The following COL18A1 variants were observed in gnomAD, a reference collection of about 807,000 sequenced individuals.
COL18A1 encodes collagen alpha-1(XVIII) chain.
COL18A1 carries 133 observed loss-of-function variants against 168.0 expected under a neutral mutation model. The ratio of observed to expected loss-of-function variants is 0.79; its 90% CI spans 0.69 to 0.91. COL18A1 has a LOEUF of 0.91. Ranked by LOEUF, COL18A1 falls within the 40% of genes least tolerant of loss-of-function variation. The pLI, the probability that COL18A1 is intolerant of heterozygous loss-of-function variation, is 0.00. For missense variants in COL18A1, 2,126 were observed against 1,925.4 expected, an observed-to-expected ratio of 1.10 and a Z score of -1.95; for synonymous variants, 949 against 809.0, an observed-to-expected ratio of 1.17 and a Z score of -2.94.
rs2145907309 is a variant in COL18A1, at chr21:45,473,482, G to A, written c.652-413G>A. 6.6e-6 allele frequency among the ~76,000 whole-genome samples: 1 copy of A among 152,320 alleles called. No individual in the cohort carries two copies. Among genetic ancestry groups the A allele is most frequent in the Middle Eastern group, 3.4e-3 (1 of 294 alleles). ...CCTCGGTTGGTCCGAGTCGGGAGAT[G>A]AGGCCGCCTGGTGCTTGCGTAAAGC... On this transcript the variant is annotated intron_variant, in intron 3 of 41. Coordinates refer to ENST00000651438, the MANE Select transcript of COL18A1 (RefSeq NM_001379500.1). This position sits in a 1 kb window ranked among gnomAD's most constrained non-coding sequence, Gnocchi z 4.0.
intron 2 of COL18A1, among the ~76,000 whole-genome samples, chr21:45,414,101 G>C (rs900582107): frequency 2.0e-5 from 3 of 152,224 alleles, no homozygotes; most frequent in African/African-American, 7.2e-5. Flanking sequence ...TTTCTGTATT[G>C]GATGCACCGC....
chr21:45,405,401 C>A lies in COL18A1; in HGVS notation c.34C>A (p.Arg12=). The A allele has an allele frequency of 7.6e-7, 1 of 1,310,572 alleles. No individual in the cohort carries two copies. The highest frequency in any genetic ancestry group is 1.9e-5 in the South Asian group (1 of 52,314). 81.2% of individuals were successfully genotyped at this position (1,310,572 alleles called of 1,614,324 possible). ...APRCPWPWPR[R]RRLLDVLAPL... is the part of the protein sequence containing the mutation. ...CAGGTGCCCCTGGCCATGGCCGCGG[C>A]GGCGGCGCCTCCTGGACGTGCTCGC... is the stretch of plus-strand genomic sequence containing the variant. Residue 12 remains arginine (R), a synonymous_variant, in exon 2 of 42, where the codon CGG becomes AGG. Transcript: ENST00000651438.
chr21:45,478,969 CGCCTGGCACCCCACA>C (rs1234860848), intron 9 of COL18A1, among the ~76,000 whole-genome samples: 1 of 152,190 alleles, frequency 6.6e-6, no homozygotes, highest in Non-Finnish European at 1.5e-5. Flanking sequence ...CATTACCGAC[CGCCTGGCACCCCACA>C]GCCAAGCTGC....
chr21:45,475,369 G>A, intron 4 of COL18A1, 107 bp from the exon 5 acceptor site: 2 of 1,019,082 alleles, frequency 2.0e-6, no homozygotes, highest in South Asian at 1.4e-5. Flanking sequence ...GAGGCGAGAG[G>A]GGGCCTGGAG....
chr21:45,460,908 T>A (rs1180257494), intron 2 of COL18A1, among the ~76,000 whole-genome samples: 2 of 152,194 alleles, frequency 1.3e-5, no homozygotes, highest in Non-Finnish European at 2.9e-5. Flanking sequence ...GTACAAGATC[T>A]TGTGTGATTC....
Position 45,455,928 on chromosome 21 carries a change from C to T in COL18A1, c.107-12314C>T, listed in dbSNP as rs368269918. The T allele has an allele frequency of 4.3e-5, 69 of 1,613,098 alleles. No homozygotes were observed. The highest frequency in any genetic ancestry group is 5.8e-5 in the Non-Finnish European group (69 of 1,180,014). On this transcript the variant is annotated intron_variant, in intron 2 of 41. Coordinates refer to ENST00000651438, the MANE Select transcript of COL18A1 (RefSeq NM_001379500.1). Reference sequence around the variant, plus strand: ...GTCCAGCTGTGGAATGACACTGTCCCCACTGAGAGCTTGGCCAGGGCGGAA... The same window carrying T: ...GTCCAGCTGTGGAATGACACTGTCCTCACTGAGAGCTTGGCCAGGGCGGAA...
intron 32 of COL18A1, among the ~76,000 whole-genome samples, chr21:45,500,351 G>A (rs1315699422): frequency 3.0e-5 from 4 of 135,592 alleles, no homozygotes; most frequent in Non-Finnish European, 6.4e-5. Flanking sequence ...ATATGTGGGT[G>A]TTGGGTGTGT....
At chr21:45,415,445 CA>C (rs2033413234) in intron 2 of COL18A1, among the ~76,000 whole-genome samples, 1 of 152,116 alleles carries the variant, frequency 6.6e-6, no homozygotes, top group Admixed American at 6.5e-5. Context: ...GCTGGACACC[CA>C]GGGCTCAGAG....
Position 45,507,575 on chromosome 21 carries a change from A to G in COL18A1, c.3231A>G (p.Thr1077=), listed in dbSNP as rs12483761. The change falls in exon 38 of 42, where the codon ACA becomes ACG. Residue 1077 remains threonine, a synonymous_variant. Coordinates refer to ENST00000651438, the MANE Select transcript of COL18A1 (RefSeq NM_001379500.1). ...GFRKVQLEAR[T]PLPRGTDNEV... is the part of the protein sequence containing the mutation. ...CTTTCTTCCAGCTGGAGGCCCGGAC[A>G]CCACTCCCACGAGGGACGGTAAGGA... The G allele has an allele frequency of 0.13, 204,823 of 1,611,882 alleles. 13,605 individuals carry two copies. Among genetic ancestry groups the G allele is most frequent in the Admixed American group, 0.18 (10,917 of 59,824 alleles).
rs1057507607 is a variant in COL18A1 at position 45,425,367 on chromosome 21, G to T, written c.106+19894G>T. Among the ~76,000 whole-genome samples, 1 of 152,180 alleles carries T rather than the reference G, an allele frequency of 6.6e-6. No individual in the cohort carries two copies. Among genetic ancestry groups the T allele is most frequent in the Non-Finnish European group, 1.5e-5 (1 of 68,014 alleles). On this transcript the variant is annotated intron_variant, in intron 2 of 41. Transcript: ENST00000651438. This position sits in a 1 kb window ranked among gnomAD's most constrained non-coding sequence, Gnocchi z 4.1. Reference sequence around the variant, plus strand: ...TCAGAGCCCCAGACTGGGCTCCCCTGGAGGACCCTGGTGCTGACACAGAGT... The same window carrying T: ...TCAGAGCCCCAGACTGGGCTCCCCTTGAGGACCCTGGTGCTGACACAGAGT...
At position 45,477,956 on chromosome 21, in the gene COL18A1, C is replaced by T. The variant is rs367951949; in HGVS notation, c.1212C>T (p.Asp404=). The T allele has an allele frequency of 6.2e-5, 94 of 1,516,732 alleles. 2 individuals carry two copies. The Admixed American group carries it at 8.6e-4, about 14-fold the overall frequency. The allele number at this position is 1,516,732 out of a possible 1,614,324, so 94.0% of individuals were successfully genotyped here. Reference sequence around the variant, plus strand: ...GGAGGGACGGCACCCCTGGAAGGGACGGCGAGCCGGTGAGTCCTCACGTCC... The same window carrying T: ...GGAGGGACGGCACCCCTGGAAGGGATGGCGAGCCGGTGAGTCCTCACGTCC... The part of the protein sequence containing the change: ...PPGRDGTPGR[D]GEPGDPGEDG... Residue 404 remains aspartate, a synonymous_variant, in exon 8 of 42, where the codon GAC becomes GAT. Transcript: ENST00000651438.
intron 6 of COL18A1, 38 bp downstream of exon 6, chr21:45,476,518 G>C: frequency 6.4e-7 from 1 of 1,562,512 alleles, no homozygotes; most frequent in Non-Finnish European, 8.7e-7. Flanking sequence ...GTGTGGTGTG[G>C]GGTGTGTGTG....
chr21:45,437,250 A>T (rs867332688), intron 2 of COL18A1, among the ~76,000 whole-genome samples: 1 of 115,424 alleles, frequency 8.7e-6, no homozygotes, highest in South Asian at 2.8e-4. Flanking sequence ...TCCTGTACAC[A>T]CACACACTCA....
chr21:45,438,297 C>T (rs941230815), intron 2 of COL18A1, among the ~76,000 whole-genome samples: 2 of 124,258 alleles, frequency 1.6e-5, no homozygotes, highest in Non-Finnish European at 3.3e-5. Flanking sequence ...CCTGCACACA[C>T]ACACACTCAG....
At chr21:45,504,175 C>A in intron 33 of COL18A1, 121 bp downstream of exon 33, 1 of 1,206,662 alleles carries the variant, frequency 8.3e-7, no homozygotes, top group Non-Finnish European at 1.2e-6. Flanking sequence ...CTGCGAGGGG[C>A]GCTGGCTCCA....
At chr21:45,482,634 G>T (rs1047703754) in intron 14 of COL18A1, among the ~76,000 whole-genome samples, 161 bp from the exon 15 acceptor site, 1 of 152,206 alleles carries the variant, frequency 6.6e-6, no homozygotes, top group Non-Finnish European at 1.5e-5. Flanking sequence ...ACACCAGAAA[G>T]GGGGGATGAC....
chr21:45,512,747 G>A lies in COL18A1; in HGVS notation c.*349G>A, dbSNP rs2037685853. On this transcript the variant is annotated 3_prime_UTR_variant, in exon 42 of 42. Coordinates refer to ENST00000651438, the MANE Select transcript of COL18A1 (RefSeq NM_001379500.1). Reference sequence around the variant, plus strand: ...TTTCCTGCTTTGGGAAGCCGTGCTCGCCCCAGCAGGTGCTGACTTCATCTC... The same window carrying A: ...TTTCCTGCTTTGGGAAGCCGTGCTCACCCCAGCAGGTGCTGACTTCATCTC... 1.6e-5 allele frequency: 6 copies of A among 381,294 alleles called. No individual in the cohort carries two copies. Among genetic ancestry groups the A allele is most frequent in the South Asian group, 4.6e-5 (2 of 43,532 alleles). The allele number at this position is 381,294 out of a possible 1,614,324, so 23.6% of individuals were successfully genotyped here.
At chr21:45,440,625 G>A (rs1053912353) in intron 2 of COL18A1, among the ~76,000 whole-genome samples, 5 of 150,648 alleles carry the variant, frequency 3.3e-5, no homozygotes, top group African/African-American at 9.8e-5. Context: ...TTTGAGCCAC[G>A]TTCCCCGGAA....
chr21:45,490,173 C>T (rs941296904), intron 19 of COL18A1, 102 bp from the exon 20 acceptor site: 5 of 937,704 alleles, frequency 5.3e-6, no homozygotes, highest in Admixed American at 2.1e-5. Context: ...GAGAGAAGTC[C>T]AGGCCATCGC....
Sources: gnomAD v4.1 joint callset for allele counts (sites outside exome capture counted in the v4.1 genomes callset) on GRCh38, gnomAD v4.1.1 for gene constraint, Gnocchi (gnomAD v3.1) non-coding constraint, MANE v1.5 for transcripts, NCBI Gene and HGNC (gene_info 2026-07-23, HGNC 2026-07-21) for gene names.